Variants in SDK1 observed in about 807,000 individuals in gnomAD.
SDK1 encodes the protein sidekick cell adhesion molecule 1.
Under a neutral mutation model 245.5 loss-of-function variants are expected in SDK1, and 157 were observed. That is an observed-to-expected ratio of 0.64 (90% CI 0.56 to 0.73). SDK1 has a LOEUF of 0.73. Among genes scored for constraint, SDK1 ranks in the 30% least tolerant of loss-of-function variants. SDK1 has a pLI of 0.00. For synonymous variants in SDK1, 1,647 were observed against 1,278.5 expected, an observed-to-expected ratio of 1.29 and a Z score of -6.15; for missense variants, 3,583 against 3,002.3, an observed-to-expected ratio of 1.19 and a Z score of -4.52.
chr7:4,016,574 T>C (rs1384910037), intron 16 of SDK1, among the ~76,000 whole-genome samples: 1 of 152,244 alleles, frequency 6.6e-6, no homozygotes, highest in Admixed American at 6.5e-5. Context: ...TTTCCACCTT[T>C]AGTATGCTAA....
chr7:3,432,573 C>T lies in SDK1; in HGVS notation c.298+130689C>T, dbSNP rs113097818. 1.1e-4 allele frequency among the ~76,000 whole-genome samples: 17 copies of T among 150,904 alleles called. 1 individual carries two copies. The highest frequency in any genetic ancestry group is 1.7e-4 in the African/African-American group (7 of 41,408). On this transcript the variant is annotated intron_variant, in intron 1 of 44. Transcript: ENST00000404826. Reference sequence around the variant, plus strand: ...TTTTAGTTATTTAAAAGATTACTACCGAAGGGAAGAAACATATTTTGCTAG... The same window carrying T: ...TTTTAGTTATTTAAAAGATTACTACTGAAGGGAAGAAACATATTTTGCTAG...
chr7:3,535,721 C>T (rs192534998), intron 1 of SDK1, among the ~76,000 whole-genome samples: 4 of 152,158 alleles, frequency 2.6e-5, no homozygotes, highest in Admixed American at 2.0e-4. Context: ...TGCGTGTCTA[C>T]ATACACAGCG....
At chr7:3,525,731 T>C (rs571732343) in intron 1 of SDK1, among the ~76,000 whole-genome samples, 41 of 152,306 alleles carry the variant, frequency 2.7e-4, no homozygotes, top group South Asian at 1.0e-3. Context: ...TTCTCCCAAA[T>C]GCCCTATTAT....
chr7:3,403,844 TATATA>T (rs1456273097), intron 1 of SDK1, among the ~76,000 whole-genome samples: 21 of 93,430 alleles, frequency 2.2e-4, no homozygotes, highest in South Asian at 9.5e-4. Flanking sequence ...TATATATATA[TATATA>T]TATATATATA....
chr7:3,496,344 G>A (rs1004407020), intron 1 of SDK1, among the ~76,000 whole-genome samples: 2 of 152,066 alleles, frequency 1.3e-5, no homozygotes, highest in African/African-American at 4.8e-5. Context: ...ACTGTTTGGA[G>A]TCTCACTGTG....
At chr7:4,008,987 C>T (rs116905621) in intron 14 of SDK1, among the ~76,000 whole-genome samples, 2,781 of 152,318 alleles carry the variant, frequency 0.018, 49 homozygotes, top group Non-Finnish European at 0.03. Context: ...TTGTCTGTAG[C>T]GGCTATACCA....
intron 5 of SDK1, among the ~76,000 whole-genome samples, chr7:3,897,971 T>C (rs1357189891): frequency 6.6e-6 from 1 of 152,178 alleles, no homozygotes; most frequent in East Asian, 1.9e-4. Context: ...TTCCATTTCT[T>C]GCCCTCCTTT....
chr7:3,743,065 A>G (rs959950053), intron 4 of SDK1, among the ~76,000 whole-genome samples: 3 of 152,156 alleles, frequency 2.0e-5, no homozygotes, highest in African/African-American at 4.8e-5. Context: ...TCCTGGAGCA[A>G]TGTACGTGTT....
intron 2 of SDK1, among the ~76,000 whole-genome samples, chr7:3,636,494 A>C (rs1158511469): frequency 6.6e-6 from 1 of 152,206 alleles, no homozygotes; most frequent in Non-Finnish European, 1.5e-5. Flanking sequence ...TACTTCACTT[A>C]GATGAACCTG....
chr7:3,978,803 T>G (rs1783167496), intron 13 of SDK1, among the ~76,000 whole-genome samples: 1 of 152,230 alleles, frequency 6.6e-6, no homozygotes, highest in African/African-American at 2.4e-5. Flanking sequence ...GAGAGGTGCT[T>G]ATGACTAAAC....
intron 1 of SDK1, among the ~76,000 whole-genome samples, chr7:3,533,553 C>G (rs1041568594): frequency 6.6e-6 from 1 of 152,096 alleles, no homozygotes; most frequent in African/African-American, 2.4e-5. Context: ...AATCAGTTAT[C>G]CCTATAAGTC....
intron 5 of SDK1, among the ~76,000 whole-genome samples, chr7:3,822,351 A>G (rs1779666561): frequency 6.6e-6 from 1 of 152,220 alleles, no homozygotes; most frequent in African/African-American, 2.4e-5. Context: ...GTCATGGCGG[A>G]TGGTAAATTT....
chr7:4,141,290 C>T (rs759646739), intron 28 of SDK1, among the ~76,000 whole-genome samples: 3 of 152,200 alleles, frequency 2.0e-5, no homozygotes, highest in Non-Finnish European at 4.4e-5. Context: ...TGTAAGCAAA[C>T]CTCAGACAGC....
At chr7:3,612,805 C>A (rs1397975958) in intron 1 of SDK1, among the ~76,000 whole-genome samples, 1 of 152,082 alleles carries the variant, frequency 6.6e-6, no homozygotes, top group African/African-American at 2.4e-5. Flanking sequence ...TCTGGTCCTC[C>A]CGGCTGGACT....
intron 43 of SDK1, among the ~76,000 whole-genome samples, chr7:4,244,464 G>C (rs191454097): frequency 6.6e-6 from 1 of 152,186 alleles, no homozygotes; most frequent in Non-Finnish European, 1.5e-5. Flanking sequence ...GTTGTACTCA[G>C]AGTTTTTCCC....
chr7:3,724,245 A>G (rs1778942974), intron 4 of SDK1, among the ~76,000 whole-genome samples: 1 of 151,920 alleles, frequency 6.6e-6, no homozygotes, highest in Non-Finnish European at 1.5e-5. Flanking sequence ...GATTACAGGT[A>G]TGAACCACTG....
At position 4,212,519 on chromosome 7, in the gene SDK1, G is replaced by T. The variant is rs111348015; in HGVS notation, c.5539+2357G>T. Among the ~76,000 whole-genome samples the T allele has an allele frequency of 8.7e-3, 1,329 of 152,326 alleles. 15 individuals carry two copies. Among genetic ancestry groups the T allele is most frequent in the African/African-American group, 0.03 (1,240 of 41,570 alleles). On this transcript the variant is annotated intron_variant, in intron 38 of 44. Coordinates refer to ENST00000404826, the MANE Select transcript of SDK1 (RefSeq NM_152744.4). The stretch of plus-strand genomic sequence containing the variant: ...GAACCAGCAGAGAGGGCATGGGAGG[G>T]ACGGGGATTTAGTGTGGCCACTTCG...
chr7:3,676,361 T>A (rs1332902211), intron 4 of SDK1, among the ~76,000 whole-genome samples: 1 of 148,712 alleles, frequency 6.7e-6, no homozygotes, highest in Non-Finnish European at 1.5e-5. Context: ...AGTCTTGCTC[T>A]GTCGCCCAGG....
At chr7:3,571,851 T>A (rs1295487666) in intron 1 of SDK1, among the ~76,000 whole-genome samples, 1 of 152,070 alleles carries the variant, frequency 6.6e-6, no homozygotes, top group Non-Finnish European at 1.5e-5. Context: ...GAATTAAATC[T>A]GCTATCTGTA....
Sources: gnomAD v4.1 joint callset for allele counts (sites outside exome capture counted in the v4.1 genomes callset) on GRCh38, gnomAD v4.1.1 for gene constraint, MANE v1.5 for transcripts, NCBI Gene and HGNC (gene_info 2026-07-23, HGNC 2026-07-21) for gene names.